AGBL1: variants seen among roughly 807,000 people sequenced by gnomAD.
AGBL1 encodes the protein AGBL carboxypeptidase 1, also known as cytosolic carboxypeptidase 4.
In AGBL1, 130 loss-of-function variants were observed where a neutral mutation model predicts 118.9. That is an observed-to-expected ratio of 1.09 (90% CI 0.95 to 1.26). The LOEUF (loss-of-function observed/expected upper bound fraction) is 1.26, where lower values mean the gene tolerates loss of function less well. Among genes scored for constraint, AGBL1 ranks in the 50% most tolerant of loss-of-function variants. AGBL1 has a pLI of 0.00. For missense variants in AGBL1, 1,584 were observed against 1,298.1 expected, an observed-to-expected ratio of 1.22 and a Z score of -3.38; for synonymous variants, 555 against 478.9, an observed-to-expected ratio of 1.16 and a Z score of -2.08.
At chr15:86,162,798 A>G (rs1164590581) in intron 5 of AGBL1, among the ~76,000 whole-genome samples, 11 of 152,132 alleles carry the variant, frequency 7.2e-5, no homozygotes, top group Admixed American at 5.2e-4. Context: ...CCAGCCAGCT[A>G]TCTCTGAGTG....
intron 21 of AGBL1, among the ~76,000 whole-genome samples, chr15:86,591,768 A>G (rs1373303877): frequency 6.6e-6 from 1 of 152,092 alleles, no homozygotes; most frequent in Non-Finnish European, 1.5e-5. Flanking sequence ...TGATTAAACC[A>G]TTAGTCACTG....
chr15:86,728,170 A>C (rs2086848025), intron 22 of AGBL1, among the ~76,000 whole-genome samples: 1 of 152,200 alleles, frequency 6.6e-6, no homozygotes, highest in South Asian at 2.1e-4. Context: ...TATTTTATAG[A>C]TGTGATAAGT....
intron 21 of AGBL1, among the ~76,000 whole-genome samples, chr15:86,651,551 T>A (rs905297157): frequency 1.4e-4 from 22 of 152,178 alleles, no homozygotes; most frequent in African/African-American, 5.3e-4. Flanking sequence ...ATTTGGCATA[T>A]ACAATCCTCA....
chr15:86,561,113 T>C (rs896293289), intron 21 of AGBL1, among the ~76,000 whole-genome samples: 2 of 152,226 alleles, frequency 1.3e-5, no homozygotes, highest in East Asian at 1.9e-4. Flanking sequence ...GGTAGTTTCT[T>C]TTGCTGTGCA....
chr15:86,440,750 A>T (rs2082054322), intron 18 of AGBL1, among the ~76,000 whole-genome samples: 1 of 152,168 alleles, frequency 6.6e-6, no homozygotes, highest in African/African-American at 2.4e-5. Context: ...ATACTGCAGC[A>T]CAAACACAAT....
chr15:86,620,065 T>C (rs1161667557), intron 21 of AGBL1, among the ~76,000 whole-genome samples: 1 of 152,174 alleles, frequency 6.6e-6, no homozygotes, highest in Non-Finnish European at 1.5e-5. Context: ...AGAGTGTTTT[T>C]ATTAAAACAC....
intron 18 of AGBL1, among the ~76,000 whole-genome samples, chr15:86,513,242 GT>G (rs1365471235): frequency 2.0e-5 from 3 of 151,452 alleles, no homozygotes; most frequent in African/African-American, 4.8e-5. Flanking sequence ...AGTTCCTCAG[GT>G]TTTTTTTCTG....
intron 1 of AGBL1, among the ~76,000 whole-genome samples, chr15:86,081,750 C>T (rs1895299299): frequency 6.6e-6 from 1 of 152,166 alleles, no homozygotes; most frequent in Non-Finnish European, 1.5e-5. Flanking sequence ...CTGAAAATAT[C>T]TCATGGACAG....
chr15:87,016,243 T>A (rs564364575), intron 24 of AGBL1, among the ~76,000 whole-genome samples: 60 of 118,216 alleles, frequency 5.1e-4, no homozygotes, highest in African/African-American at 1.7e-3. Flanking sequence ...AATTGGGATT[T>A]TTAATAACTG....
chr15:86,686,824 C>T (rs1056786968), intron 22 of AGBL1, among the ~76,000 whole-genome samples: 1 of 152,076 alleles, frequency 6.6e-6, no homozygotes, highest in African/African-American at 2.4e-5. Context: ...TCCCATTGGA[C>T]AGAGATGAAA....
rs148319744 is a variant in AGBL1 at position 86,113,742 on chromosome 15, G to A, written c.52-28262G>A. On this transcript the variant is annotated intron_variant, in intron 1 of 22. Transcript: ENST00000614907. The stretch of plus-strand genomic sequence containing the variant: ...TAACATAGTCACTTGTCCATCACAG[G>A]TGCTCACTATGCGAAGTGAACAAAT... Among the ~76,000 whole-genome samples, 87 of 152,228 alleles carry A rather than the reference G, an allele frequency of 5.7e-4. No homozygotes were observed. The East Asian group carries it at 0.013, about 22-fold the overall frequency.
At chr15:86,542,027 C>T (rs181356851) in intron 19 of AGBL1, among the ~76,000 whole-genome samples, 2 of 152,212 alleles carry the variant, frequency 1.3e-5, no homozygotes, top group East Asian at 3.9e-4. Flanking sequence ...CATGAGTATA[C>T]AATCTAGAGG....
chr15:86,908,312 G>C lies in AGBL1; in HGVS notation c.*1018G>C, dbSNP rs1386464651. On this transcript the variant is annotated 3_prime_UTR_variant, in exon 23 of 23. Coordinates refer to ENST00000614907, the MANE Select transcript of AGBL1 (RefSeq NM_001386094.1). ...TTAAGAAAAAATTCTCACCAGCCTG[G>C]ACAACATGATGAAACCCTGTCTCTA... 1 of 152,058 alleles carries C rather than the reference G, an allele frequency of 6.6e-6. No individual in the cohort carries two copies. Among genetic ancestry groups the C allele is most frequent in the Non-Finnish European group, 1.5e-5 (1 of 68,024 alleles). 9.4% of individuals were successfully genotyped at this position (152,058 alleles called of 1,614,324 possible). A position where few individuals can be genotyped will look rare whatever the true frequency, so the allele number is the denominator to read the frequency against.
At chr15:86,279,097 C>T (rs536283191) in intron 15 of AGBL1, among the ~76,000 whole-genome samples, 1 of 152,208 alleles carries the variant, frequency 6.6e-6, no homozygotes, top group Non-Finnish European at 1.5e-5. Context: ...TTTCATCATC[C>T]ACATGATGGG....
chr15:86,464,466 C>A (rs552516220), intron 18 of AGBL1, among the ~76,000 whole-genome samples: 1 of 152,314 alleles, frequency 6.6e-6, no homozygotes, highest in African/African-American at 2.4e-5. Context: ...GCCAGAACTT[C>A]CAATACTATG....
intron 21 of AGBL1, among the ~76,000 whole-genome samples, chr15:86,595,217 C>T (rs997470954): frequency 6.6e-6 from 1 of 152,288 alleles, no homozygotes; most frequent in South Asian, 2.1e-4. Context: ...CTTAAAGTGT[C>T]ACCTCTATCT....
At chr15:87,030,114 T>C (rs992214466), downstream of AGBL1, among the ~76,000 whole-genome samples, 1 of 152,040 alleles carries the variant, frequency 6.6e-6, no homozygotes, top group Non-Finnish European at 1.5e-5. Context: ...AAACTGCTTA[T>C]ACTGAACAGC....
chr15:86,279,428 A>C (rs1242523425), intron 15 of AGBL1, among the ~76,000 whole-genome samples: 3 of 152,226 alleles, frequency 2.0e-5, no homozygotes, highest in African/African-American at 4.8e-5. Context: ...GGGCCAGGCT[A>C]CATGTTGCTG....
intron 21 of AGBL1, among the ~76,000 whole-genome samples, chr15:86,573,387 G>A (rs370879200): frequency 1.3e-5 from 2 of 152,250 alleles, no homozygotes; most frequent in African/African-American, 4.8e-5. Context: ...TAACAGCAGA[G>A]TATGGAAAGA....
Sources: gnomAD v4.1 joint callset for allele counts (sites outside exome capture counted in the v4.1 genomes callset) on GRCh38, gnomAD v4.1.1 for gene constraint, MANE v1.5 for transcripts, NCBI Gene and HGNC (gene_info 2026-07-23, HGNC 2026-07-21) for gene names.